The following ATP10A variants were observed in gnomAD, a reference collection of about 807,000 sequenced individuals.
ATP10A encodes phospholipid-transporting ATPase VA.
A neutral mutation model predicts 147.8 loss-of-function variants in ATP10A; 111 were observed. That is an observed-to-expected ratio of 0.75 (90% CI 0.64 to 0.88). ATP10A has a LOEUF of 0.88. Among genes scored for constraint, ATP10A ranks in the 40% least tolerant of loss-of-function variants. The probability of loss-of-function intolerance (pLI) is 0.00; values close to 1 mark genes in which losing one functional copy is unlikely to be tolerated. For missense variants in ATP10A, 1,927 were observed against 1,959.0 expected (o/e 0.98, Z 0.31); for synonymous variants, 875 against 841.6 (o/e 1.04, Z -0.69).
At chr15:25,820,012 C>A (rs1049548089) in intron 1 of ATP10A, among the ~76,000 whole-genome samples, 8 of 152,012 alleles carry the variant, frequency 5.3e-5, no homozygotes, top group African/African-American at 1.9e-4. Context: ...CCAGGCTTCA[C>A]CCCCAGGCAA....
chr15:25,832,275 C>G (rs925017243), intron 1 of ATP10A, among the ~76,000 whole-genome samples: 1 of 152,218 alleles, frequency 6.6e-6, no homozygotes, highest in Non-Finnish European at 1.5e-5. Context: ...AGAGAATACA[C>G]TTCTGTTGGT....
intron 1 of ATP10A, among the ~76,000 whole-genome samples, chr15:25,802,871 A>G (rs1230665721): frequency 6.6e-6 from 1 of 152,132 alleles, no homozygotes; most frequent in African/African-American, 2.4e-5. Flanking sequence ...TAAAACATCC[A>G]TCAGTTCCGA....
At chr15:25,727,051 G>T in intron 4 of ATP10A, 109 bp downstream of exon 4, 13 of 453,478 alleles carry the variant, frequency 2.9e-5, no homozygotes, top group South Asian at 2.5e-4. Context: ...TGCGAGACTC[G>T]TCTCAAAAAA....
intron 2 of ATP10A, among the ~76,000 whole-genome samples, chr15:25,756,866 A>C (rs1406355070): frequency 6.6e-6 from 1 of 152,228 alleles, no homozygotes; most frequent in Non-Finnish European, 1.5e-5. Context: ...TTAGGTGCTG[A>C]CTAACATTTG....
At chr15:25,759,227 C>T (rs1888620952) in intron 2 of ATP10A, among the ~76,000 whole-genome samples, 1 of 152,092 alleles carries the variant, frequency 6.6e-6, no homozygotes, top group African/African-American at 2.4e-5. Context: ...GGCACCAAAA[C>T]TTTATATATA....
At position 25,812,450 on chromosome 15, in the gene ATP10A, C is replaced by A. The variant is rs989447752; in HGVS notation, c.450-31227G>T. On this transcript the variant is annotated intron_variant, in intron 1 of 20. Coordinates refer to ENST00000555815, the MANE Select transcript of ATP10A (RefSeq NM_024490.4). ...AAATAAATAAGTTTCTTTTTTCATT[C>A]AAAGCGAGGGAAAATAACAAGGACG... 6.6e-5 allele frequency among the ~76,000 whole-genome samples: 10 copies of A among 152,018 alleles called. 1 individual carries two copies. Among genetic ancestry groups the A allele is most frequent in the African/African-American group, 2.4e-4 (10 of 41,406 alleles).
intron 6 of ATP10A, among the ~76,000 whole-genome samples, chr15:25,722,712 T>C (rs1222064619): frequency 6.6e-6 from 1 of 152,190 alleles, no homozygotes; most frequent in East Asian, 1.9e-4. Flanking sequence ...GACTGTTTCC[T>C]GTTGTATGAA....
intron 16 of ATP10A, among the ~76,000 whole-genome samples, chr15:25,684,539 CAGGCAGGGCGAGTGCTCTT>C (rs1176010215): frequency 5.9e-5 from 9 of 152,132 alleles, no homozygotes; most frequent in Admixed American, 2.0e-4. Context: ...GTTTGGGACT[CAGGCAGGGCGAGTGCTCTT>C]ATCCCACATA....
chr15:25,681,238 A>C (rs1229076766), intron 17 of ATP10A, among the ~76,000 whole-genome samples, 164 bp from the exon 18 acceptor site: 1 of 152,196 alleles, frequency 6.6e-6, no homozygotes, highest in African/African-American at 2.4e-5. Context: ...GAGGGTTCTC[A>C]TGCATAAATA....
intron 1 of ATP10A, among the ~76,000 whole-genome samples, chr15:25,832,175 A>G (rs777830283): frequency 6.6e-6 from 1 of 152,230 alleles, no homozygotes; most frequent in Non-Finnish European, 1.5e-5. Flanking sequence ...AGACGCAGGA[A>G]GAGGCAAAGA....
intron 2 of ATP10A, among the ~76,000 whole-genome samples, chr15:25,737,880 A>T (rs915946593): frequency 2.0e-5 from 3 of 152,204 alleles, no homozygotes; most frequent in African/African-American, 7.2e-5. Flanking sequence ...GCAAGGACAC[A>T]GGGAGAAGCC....
chr15:25,774,659 G>T (rs1021759849), intron 2 of ATP10A, among the ~76,000 whole-genome samples: 12 of 151,248 alleles, frequency 7.9e-5, no homozygotes, highest in Admixed American at 7.9e-4. Context: ...TAAATTAAAG[G>T]CAAAGAATCC....
chr15:25,790,346 G>A (rs1890353165), intron 1 of ATP10A, among the ~76,000 whole-genome samples: 1 of 152,200 alleles, frequency 6.6e-6, no homozygotes, highest in African/African-American at 2.4e-5. Flanking sequence ...GGTGATGTGA[G>A]CTCTAAGAAA....
intron 2 of ATP10A, among the ~76,000 whole-genome samples, chr15:25,740,957 A>G (rs1040118203): frequency 1.3e-5 from 2 of 152,194 alleles, no homozygotes; most frequent in East Asian, 1.9e-4. Context: ...ACCTTTCTGC[A>G]TGGCTTCCTC....
At chr15:25,775,117 A>G (rs568431351) in intron 2 of ATP10A, among the ~76,000 whole-genome samples, 1 of 152,340 alleles carries the variant, frequency 6.6e-6, no homozygotes, top group East Asian at 1.9e-4. Flanking sequence ...TCCACGGCCA[A>G]TGTAGCTAAA....
chr15:25,739,173 G>A (rs1887447298), intron 2 of ATP10A, among the ~76,000 whole-genome samples: 2 of 152,188 alleles, frequency 1.3e-5, no homozygotes. Flanking sequence ...GGGTTCAAGC[G>A]ATTCTCCTGC....
intron 1 of ATP10A, among the ~76,000 whole-genome samples, chr15:25,830,582 C>G (rs1027645056): frequency 6.6e-6 from 1 of 151,970 alleles, no homozygotes; most frequent in African/African-American, 2.4e-5. Context: ...CCTTTCTCTC[C>G]GGGGGGGTCC....
In ATP10A at chr15:25,708,213, A is replaced by G; in HGVS notation, c.2432T>C (p.Leu811Ser). The G allele has an allele frequency of 6.2e-7, 1 of 1,614,236 alleles. No homozygotes were observed. The highest frequency in any genetic ancestry group is 8.5e-7 in the Non-Finnish European group (1 of 1,180,040). The stretch of plus-strand genomic sequence containing the variant: ...CCCACTCACTCTCTTGGCGATGCAC[A>G]AGGTGCGCAGGCCTTCCGCCGCATA... ...NVYAAEGLRT[L>S]CIAKRVLSKE... The change falls in exon 11 of 21, where the codon TTG becomes TCG. Residue 811 changes from leucine (L) to serine (S), a missense_variant. Leu to Ser is a moderately radical substitution (Grantham distance 145). Coordinates refer to ENST00000555815, the MANE Select transcript of ATP10A (RefSeq NM_024490.4).
At chr15:25,856,327 C>A (rs1471264981) in intron 1 of ATP10A, among the ~76,000 whole-genome samples, 2 of 152,158 alleles carry the variant, frequency 1.3e-5, no homozygotes, top group Admixed American at 1.3e-4. Context: ...CATTCTCTCT[C>A]CTGCTACCTT....
Sources: allele counts gnomAD v4.1 joint callset (sites outside exome capture counted in the v4.1 genomes callset), GRCh38; gene constraint gnomAD v4.1.1; transcripts MANE v1.5; gene names NCBI Gene and HGNC (gene_info 2026-07-23, HGNC 2026-07-21).